The following INPP5A variants were observed in gnomAD, a reference collection of about 807,000 sequenced individuals.
INPP5A encodes inositol polyphosphate-5-phosphatase A.
In INPP5A, 14 loss-of-function variants were observed where a neutral mutation model predicts 65.2. The ratio of observed to expected loss-of-function variants is 0.21; its 90% confidence interval spans 0.14 to 0.34. INPP5A has a LOEUF of 0.34. INPP5A is among the 10% of genes least tolerant of loss of function. The pLI is 1.00. For synonymous variants in INPP5A, 207 were observed against 208.3 expected, an observed-to-expected ratio of 0.99 and a Z score of 0.05; for missense variants, 431 against 545.6, an observed-to-expected ratio of 0.79 and a Z score of 2.09.
chr10:132,628,095 C>T (rs183969026), intron 2 of INPP5A, among the ~76,000 whole-genome samples: 147 of 152,262 alleles, frequency 9.7e-4, no homozygotes, highest in African/African-American at 3.3e-3. Context: ...GGAAATTAAC[C>T]GCAAACCAGA....
rs1379705199 is a variant in INPP5A, at chr10:132,549,476, G to T, written c.75+11305G>T. 6.6e-6 allele frequency among the ~76,000 whole-genome samples: 1 copy of T among 152,236 alleles called. No homozygotes were observed. The highest frequency in any genetic ancestry group is 1.5e-5 in the Non-Finnish European group (1 of 68,042). On this transcript the variant is annotated intron_variant, in intron 1 of 15. Coordinates refer to ENST00000368594, the MANE Select transcript of INPP5A (RefSeq NM_005539.5). The surrounding 1 kb of genome is among the most constrained non-coding windows in gnomAD (Gnocchi z 4.9). ...CAAATAATAATTCCCCACAAGGATGGTTATCTTGCCGTGTTGGTAATGGCT... is the reference window on the plus strand; with the variant it reads ...CAAATAATAATTCCCCACAAGGATGTTTATCTTGCCGTGTTGGTAATGGCT...
At chr10:132,592,695 C>T (rs2133316323) in intron 1 of INPP5A, among the ~76,000 whole-genome samples, 1 of 152,334 alleles carries the variant, frequency 6.6e-6, no homozygotes, top group South Asian at 2.1e-4. Flanking sequence ...GCGTGAGCCA[C>T]CGTGTCCGGC....
intron 8 of INPP5A, among the ~76,000 whole-genome samples, chr10:132,719,511 G>A (rs1339163357): frequency 6.8e-6 from 1 of 147,814 alleles, no homozygotes; most frequent in Non-Finnish European, 1.5e-5. Context: ...TTCTGTCTGG[G>A]CGCCTTAGAC....
chr10:132,641,021 G>A (rs1027225552), intron 2 of INPP5A, among the ~76,000 whole-genome samples: 9 of 152,232 alleles, frequency 5.9e-5, no homozygotes, highest in African/African-American at 2.2e-4. Flanking sequence ...TCACCCCTCT[G>A]TCTGTGTCTC....
chr10:132,688,074 AGGAGCTGCACAGCCTCCAG>A (rs1256360482), intron 4 of INPP5A, among the ~76,000 whole-genome samples: 1 of 152,202 alleles, frequency 6.6e-6, no homozygotes, highest in African/African-American at 2.4e-5. Flanking sequence ...CCCTAGGAGC[AGGAGCTGCACAGCCTCCAG>A]GGAGCTTCCC....
intron 1 of INPP5A, among the ~76,000 whole-genome samples, chr10:132,558,867 C>T (rs1032258489): frequency 2.0e-5 from 3 of 152,224 alleles, no homozygotes; most frequent in African/African-American, 7.2e-5. Flanking sequence ...GGCAGCTGTG[C>T]GCTGCAGCCT....
chr10:132,592,886 G>A (rs2071636414), intron 1 of INPP5A, among the ~76,000 whole-genome samples: 1 of 152,098 alleles, frequency 6.6e-6, no homozygotes, highest in Non-Finnish European at 1.5e-5. Flanking sequence ...AGCCTGCTGG[G>A]TCCTTTGCTC....
At chr10:132,740,104 C>T (rs538354581) in intron 9 of INPP5A, among the ~76,000 whole-genome samples, 4 of 152,360 alleles carry the variant, frequency 2.6e-5, no homozygotes, top group Admixed American at 2.6e-4. Flanking sequence ...TCTGCACCAG[C>T]GTCCATAATG....
chr10:132,750,102 T>G (rs1192594996), intron 11 of INPP5A, among the ~76,000 whole-genome samples: 1 of 151,998 alleles, frequency 6.6e-6, no homozygotes, highest in Admixed American at 6.5e-5. Flanking sequence ...GCTTCAGAGA[T>G]CCCCCCGTGT....
chr10:132,719,166 G>T (rs1427225838), intron 8 of INPP5A, among the ~76,000 whole-genome samples: 3 of 143,304 alleles, frequency 2.1e-5, no homozygotes, highest in Admixed American at 7.0e-5. Flanking sequence ...GCCTTAGACG[G>T]CTGTCTTGCG....
At chr10:132,611,557 G>C (rs1203439371) in intron 2 of INPP5A, among the ~76,000 whole-genome samples, 6 of 137,036 alleles carry the variant, frequency 4.4e-5, no homozygotes, top group East Asian at 2.5e-4. Flanking sequence ...TGAGGGAGGT[G>C]AGGTGGGAAG....
chr10:132,668,632 G>A (rs892146521), intron 4 of INPP5A, among the ~76,000 whole-genome samples: 2 of 152,208 alleles, frequency 1.3e-5, no homozygotes, highest in Non-Finnish European at 2.9e-5. Flanking sequence ...ATGAAAAAAT[G>A]TTGATATTTC....
chr10:132,747,416 G>T (rs1388255844), intron 9 of INPP5A, among the ~76,000 whole-genome samples: 1 of 152,290 alleles, frequency 6.6e-6, no homozygotes, highest in East Asian at 1.9e-4. Context: ...GATAGCGGGT[G>T]GCCGCCTCCT....
chr10:132,563,477 A>G (rs1425604082), intron 1 of INPP5A, among the ~76,000 whole-genome samples: 1 of 152,160 alleles, frequency 6.6e-6, no homozygotes, highest in Non-Finnish European at 1.5e-5. Context: ...ACAAAAACCT[A>G]TTGCTTTATG....
At chr10:132,730,863 C>G (rs1386743234) in intron 9 of INPP5A, among the ~76,000 whole-genome samples, 1 of 152,180 alleles carries the variant, frequency 6.6e-6, no homozygotes, top group Non-Finnish European at 1.5e-5. Flanking sequence ...GCCCAGGAAC[C>G]CGATTTTTCA....
chr10:132,728,099 C>T lies in INPP5A; in HGVS notation c.732+1194C>T, dbSNP rs181583204. 2.6e-5 allele frequency among the ~76,000 whole-genome samples: 4 copies of T among 152,294 alleles called. No homozygotes were observed. The East Asian group carries it at 5.8e-4, about 22-fold the overall frequency. ...AGCTGGCAGCACCTTGTCACAAGGC[C>T]CCACCGCATGCCTGTGTATCAACAT... is the stretch of plus-strand genomic sequence containing the variant. On this transcript the variant is annotated intron_variant, in intron 9 of 15. Transcript: ENST00000368594.
At chr10:132,771,210 G>C (rs956981245) in intron 12 of INPP5A, among the ~76,000 whole-genome samples, 2 of 152,122 alleles carry the variant, frequency 1.3e-5, no homozygotes, top group Non-Finnish European at 2.9e-5. Context: ...CATCCCTCTG[G>C]GCAGAGGACT....
At chr10:132,776,790 G>T (rs531212733) in intron 12 of INPP5A, among the ~76,000 whole-genome samples, 25 of 152,302 alleles carry the variant, frequency 1.6e-4, no homozygotes, top group Admixed American at 1.3e-3. Flanking sequence ...CCGGAAGTGG[G>T]GGCTGTGCTT....
At chr10:132,652,955 C>T (rs1222814207) in intron 4 of INPP5A, among the ~76,000 whole-genome samples, 1 of 152,202 alleles carries the variant, frequency 6.6e-6, no homozygotes, top group African/African-American at 2.4e-5. Context: ...CTCTGCACCG[C>T]AGGAGGACCC....
Sources: allele counts gnomAD v4.1 joint callset (sites outside exome capture counted in the v4.1 genomes callset), GRCh38; gene constraint gnomAD v4.1.1; non-coding constraint Gnocchi (gnomAD v3.1); transcripts MANE v1.5; gene names NCBI Gene and HGNC (gene_info 2026-07-23, HGNC 2026-07-21).